Variants in KIRREL1 observed in about 807,000 individuals in gnomAD.
KIRREL1 encodes the protein kirre like nephrin family adhesion molecule 1.
A neutral mutation model predicts 83.3 loss-of-function variants in KIRREL1; 25 were observed. That is an observed-to-expected ratio of 0.30 (90% CI 0.22 to 0.42). The LOEUF is 0.42. Ranked by LOEUF, KIRREL1 falls within the 10% of genes least tolerant of loss-of-function variation. The probability of loss-of-function intolerance (pLI) is 1.00; values close to 1 mark genes in which losing one functional copy is unlikely to be tolerated. For missense variants in KIRREL1, 812 were observed against 1,032.3 expected, an observed-to-expected ratio of 0.79 and a Z score of 2.92; for synonymous variants, 388 against 410.4, an observed-to-expected ratio of 0.95 and a Z score of 0.66.
At chr1:158,057,000 A>G (rs146668665) in intron 1 of KIRREL1, among the ~76,000 whole-genome samples, 129 of 152,140 alleles carry the variant, frequency 8.5e-4, no homozygotes, top group African/African-American at 2.8e-3. Flanking sequence ...ACCTTCATTT[A>G]TCTTTTTTTC....
chr1:158,063,332 A>G (rs1170343063), intron 1 of KIRREL1, among the ~76,000 whole-genome samples: 1 of 152,146 alleles, frequency 6.6e-6, no homozygotes, highest in Non-Finnish European at 1.5e-5. Flanking sequence ...ATCAATTAAG[A>G]TATTCATTCA....
intron 2 of KIRREL1, 55 bp downstream of exon 2, chr1:158,076,317 A>G: frequency 3.9e-6 from 6 of 1,540,202 alleles, no homozygotes; most frequent in Non-Finnish European, 5.4e-6. Flanking sequence ...GCCATTCCCC[A>G]CTTCCAGCAT....
At chr1:158,053,050 A>G (rs1485614554) in intron 1 of KIRREL1, among the ~76,000 whole-genome samples, 1 of 152,144 alleles carries the variant, frequency 6.6e-6, no homozygotes, top group Non-Finnish European at 1.5e-5. Flanking sequence ...ATCTGCCCCC[A>G]TTACCCAAAC....
chr1:158,087,425 G>A (rs1486229527), intron 5 of KIRREL1, among the ~76,000 whole-genome samples: 2 of 151,948 alleles, frequency 1.3e-5, no homozygotes, highest in South Asian at 2.1e-4. Context: ...GGGAACCATG[G>A]GGGTGTGGGC....
intron 1 of KIRREL1, among the ~76,000 whole-genome samples, chr1:158,068,144 G>A (rs1436508201): frequency 6.6e-6 from 1 of 152,174 alleles, no homozygotes; most frequent in East Asian, 1.9e-4. Context: ...GGCTCCTACT[G>A]TTCAGTGTCT....
In KIRREL1 at chr1:158,055,543, G is replaced by A. The variant is rs539082512; in HGVS notation, c.53-20570G>A. Among the ~76,000 whole-genome samples, 11 of 152,320 alleles carry A rather than the reference G, an allele frequency of 7.2e-5. No individual in the cohort carries two copies. In the East Asian group the frequency reaches 2.1e-3, roughly 29 times the overall value. ...TGGCGGCCCCACTTCCTGTGCCCTGGCCGATGTCCAAGTGCCATGTCAGGA... is the reference window on the plus strand; with the variant it reads ...TGGCGGCCCCACTTCCTGTGCCCTGACCGATGTCCAAGTGCCATGTCAGGA... On this transcript the variant is annotated intron_variant, in intron 1 of 14. Coordinates refer to ENST00000359209, the MANE Select transcript of KIRREL1 (RefSeq NM_018240.7).
At chr1:158,010,324 TAA>T (rs1318873513) in intron 1 of KIRREL1, among the ~76,000 whole-genome samples, 5 of 87,250 alleles carry the variant, frequency 5.7e-5, no homozygotes, top group Admixed American at 1.3e-4. Context: ...GTCCCCACCA[TAA>T]ACACACACAC....
intron 1 of KIRREL1, among the ~76,000 whole-genome samples, chr1:158,031,784 T>C (rs571002476): frequency 6.6e-6 from 1 of 152,278 alleles, no homozygotes; most frequent in South Asian, 2.1e-4. Context: ...TGAAAAGTCT[T>C]CTAAAAATGG....
chr1:158,079,613 G>A (rs552062021), intron 3 of KIRREL1, among the ~76,000 whole-genome samples: 2 of 152,360 alleles, frequency 1.3e-5, no homozygotes, highest in East Asian at 3.9e-4. Flanking sequence ...GGGCCACTGT[G>A]CCCAGCCTGT....
chr1:158,067,711 C>T (rs552003722), intron 1 of KIRREL1, among the ~76,000 whole-genome samples: 12 of 152,350 alleles, frequency 7.9e-5, no homozygotes, highest in South Asian at 6.2e-4. Flanking sequence ...TAGAGTACTT[C>T]TGTCCCTTCC....
intron 1 of KIRREL1, among the ~76,000 whole-genome samples, chr1:158,061,224 G>A (rs1423782639): frequency 2.0e-5 from 3 of 152,070 alleles, no homozygotes; most frequent in Non-Finnish European, 4.4e-5. Context: ...AAATCGAGAG[G>A]GAATATTGCC....
intron 1 of KIRREL1, among the ~76,000 whole-genome samples, chr1:158,067,967 T>TCCCTAC (rs1661400938): frequency 6.6e-6 from 1 of 152,098 alleles, no homozygotes; most frequent in Non-Finnish European, 1.5e-5. Context: ...CCTACGGCTG[T>TCCCTAC]CCCTACCATA....
Position 158,094,942 on chromosome 1 carries a change from C to G in KIRREL1, c.2096C>G (p.Ala699Gly). 1 of 1,614,030 alleles carries G rather than the reference C, an allele frequency of 6.2e-7. No individual in the cohort carries two copies. The highest frequency in any genetic ancestry group is 8.5e-7 in the Non-Finnish European group (1 of 1,179,972). Residue 699 changes from alanine (A) to glycine (G), a missense_variant, in exon 15 of 15, where the codon GCT (alanine) becomes GGT (glycine). By Grantham distance (60) the Ala-to-Gly change is moderately conservative (BLOSUM62 0). Transcript: ENST00000359209. The surrounding 1 kb of genome is among the most constrained non-coding windows in gnomAD (Gnocchi z 4.6). ...KFNSHPFPGA[A>G]GYPTYRLGYP... ...AACTCCCATCCCTTCCCTGGGGCAGCTGGGTACCCCACCTACCGACTGGGC... is the reference window on the plus strand; with the variant it reads ...AACTCCCATCCCTTCCCTGGGGCAGGTGGGTACCCCACCTACCGACTGGGC...
rs1662431807 is a variant in KIRREL1 at position 158,099,352 on chromosome 1, C to T, written c.*4232C>T. 6.6e-6 allele frequency: 1 copy of T among 152,220 alleles called. No homozygotes were observed. The highest frequency in any genetic ancestry group is 2.4e-5 in the African/African-American group (1 of 41,432). The allele number at this position is 152,220 out of a possible 1,614,324, so 9.4% of individuals were successfully genotyped here. On this transcript the variant is annotated 3_prime_UTR_variant, in exon 15 of 15. Coordinates refer to ENST00000359209, the MANE Select transcript of KIRREL1 (RefSeq NM_018240.7). ...TATCCCATTCCCTTCTCTTGGCCTC[C>T]TCCTATCCCCCTATGGTATTTCTCC...
chr1:157,996,216 C>G (rs369366655), intron 1 of KIRREL1, among the ~76,000 whole-genome samples: 1 of 152,242 alleles, frequency 6.6e-6, no homozygotes, highest in East Asian at 1.9e-4. Context: ...CTTCATCAAT[C>G]TTCATTTTTC....
Position 158,087,839 on chromosome 1 carries a change from A to G in KIRREL1, c.746A>G (p.Asn249Ser). ...GTCTTTACCTGCCAGGCCACAGCCA[A>G]CCCCGAGATCTTGGGCTACAGGTGA... ...RVVFTCQATANPEILGYRWAK... is the reference protein window; with the variant it reads ...RVVFTCQATASPEILGYRWAK... Residue 249 changes from asparagine (N) to serine (S), a missense_variant, in exon 6 of 15, where the codon AAC (asparagine) becomes AGC (serine). By Grantham distance (46) the Asn-to-Ser change is conservative. Around this residue, in one of 3 missense-constraint regions of KIRREL1, gnomAD observed 472 missense variants for 626.8 expected, o/e 0.75. Transcript: ENST00000359209. 1 of 1,613,934 alleles carries G rather than the reference A, an allele frequency of 6.2e-7. No individual in the cohort carries two copies.
chr1:158,014,114 G>A (rs1050983811), intron 1 of KIRREL1, among the ~76,000 whole-genome samples: 5 of 151,936 alleles, frequency 3.3e-5, no homozygotes, highest in Admixed American at 3.3e-4. Context: ...GAGAGAATGA[G>A]GTGATGATAA....
intron 1 of KIRREL1, among the ~76,000 whole-genome samples, chr1:158,011,430 G>T (rs913698191): frequency 6.6e-6 from 1 of 152,212 alleles, no homozygotes; most frequent in Non-Finnish European, 1.5e-5. Flanking sequence ...CAGCCTTGAA[G>T]AGACTCTAGA....
rs1313812955 is a variant in KIRREL1, at chr1:158,087,880, G to A, written c.767+20G>A. ...CTACAGGTGAGGGGGTCAGAGGCTG[G>A]GAGCGCTCTGGGGAGTGATAAGGAA... On this transcript the variant is annotated intron_variant, in intron 6 of 14. Coordinates refer to ENST00000359209, the MANE Select transcript of KIRREL1 (RefSeq NM_018240.7). 2.5e-6 allele frequency: 4 copies of A among 1,610,306 alleles called. No homozygotes were observed. Among genetic ancestry groups the A allele is most frequent in the Non-Finnish European group, 2.5e-6 (3 of 1,176,874 alleles).
Sources: allele counts gnomAD v4.1 joint callset (sites outside exome capture counted in the v4.1 genomes callset), GRCh38; gene constraint gnomAD v4.1.1; regional missense constraint gnomAD v4.1.1; non-coding constraint Gnocchi (gnomAD v3.1); transcripts MANE v1.5; gene names NCBI Gene and HGNC (gene_info 2026-07-23, HGNC 2026-07-21).